Variants in EPHB1 observed in about 807,000 individuals in gnomAD.
EPHB1 encodes ephrin type-B receptor 1.
EPHB1 carries 30 observed loss-of-function variants against 94.4 expected under a neutral mutation model. The ratio of observed to expected loss-of-function variants is 0.32; its 90% CI spans 0.24 to 0.43. The LOEUF is 0.43. Ranked by LOEUF, EPHB1 falls within the 20% of genes least tolerant of loss-of-function variation. The pLI is 1.00. For synonymous variants in EPHB1, 522 were observed against 489.1 expected (o/e 1.07, Z -0.89); for missense variants, 1,055 against 1,308.3 (o/e 0.81, Z 2.99).
intron 3 of EPHB1, among the ~76,000 whole-genome samples, chr3:135,057,052 C>G (rs759904847): frequency 6.6e-6 from 1 of 152,194 alleles, no homozygotes; most frequent in Non-Finnish European, 1.5e-5. Flanking sequence ...AAATTTGTTG[C>G]TGGATTCAGA....
At chr3:135,129,664 A>G (rs892060208) in intron 4 of EPHB1, among the ~76,000 whole-genome samples, 2 of 152,224 alleles carry the variant, frequency 1.3e-5, no homozygotes, top group Non-Finnish European at 2.9e-5. Context: ...GGAAGAGACT[A>G]TCACAATGCA....
chr3:134,827,284 ATAATC>A (rs1052119270), intron 1 of EPHB1, among the ~76,000 whole-genome samples: 2 of 152,214 alleles, frequency 1.3e-5, no homozygotes, highest in African/African-American at 2.4e-5. Context: ...CTTCTTCTCT[ATAATC>A]TAAGCTTCCC....
chr3:134,910,829 C>T (rs2038438166), intron 1 of EPHB1, among the ~76,000 whole-genome samples: 1 of 152,184 alleles, frequency 6.6e-6, no homozygotes, highest in Non-Finnish European at 1.5e-5. Context: ...TGGGTCGGCC[C>T]TTGGTGGTCC....
chr3:135,251,627 C>A (rs767252860), intron 15 of EPHB1, among the ~76,000 whole-genome samples: 1 of 152,188 alleles, frequency 6.6e-6, no homozygotes, highest in Non-Finnish European at 1.5e-5. Context: ...GATTGTGGGA[C>A]AATCTGTGAA....
At chr3:135,060,069 T>C (rs1177062660) in intron 3 of EPHB1, among the ~76,000 whole-genome samples, 2 of 152,276 alleles carry the variant, frequency 1.3e-5, no homozygotes, top group African/African-American at 4.8e-5. Context: ...AAATTCACTC[T>C]GTAAATTGCT....
chr3:134,937,884 T>C (rs1434539109), intron 2 of EPHB1, among the ~76,000 whole-genome samples: 6 of 150,946 alleles, frequency 4.0e-5, no homozygotes, highest in Non-Finnish European at 8.8e-5. Context: ...GCCGTTGCCA[T>C]AGTGACCAGC....
chr3:135,249,798 A>C (rs1932992399), intron 15 of EPHB1, among the ~76,000 whole-genome samples: 1 of 152,158 alleles, frequency 6.6e-6, no homozygotes, highest in Non-Finnish European at 1.5e-5. Flanking sequence ...GAGAGCATCC[A>C]GATGGAAAGA....
At position 135,148,289 on chromosome 3, in the gene EPHB1, G is replaced by A. The variant is rs772338026; in HGVS notation, c.1298-5863G>A. On this transcript the variant is annotated intron_variant, in intron 5 of 15. Transcript: ENST00000398015. ...AGAAACCTTTGAAGATAACTGAGTC[G>A]GTAACTAAATTAAAGTGTCAAGGAA... is the stretch of plus-strand genomic sequence containing the variant. Among the ~76,000 whole-genome samples, 46 of 152,090 alleles carry A rather than the reference G, an allele frequency of 3.0e-4. 1 individual carries two copies. Among genetic ancestry groups the A allele is most frequent in the Admixed American group, 2.2e-3 (34 of 15,272 alleles).
intron 12 of EPHB1, among the ~76,000 whole-genome samples, chr3:135,211,167 T>G (rs1378774003): frequency 1.3e-5 from 2 of 152,214 alleles, no homozygotes; most frequent in African/African-American, 2.4e-5. Context: ...TTGTACCACT[T>G]TACATAAAAT....
At chr3:134,830,734 C>A (rs1305985738) in intron 1 of EPHB1, among the ~76,000 whole-genome samples, 2 of 152,184 alleles carry the variant, frequency 1.3e-5, no homozygotes, top group African/African-American at 4.8e-5. Context: ...CAAGGGTTCC[C>A]TTCTGGCCTG....
chr3:134,971,688 A>C (rs1339089176), intron 3 of EPHB1, among the ~76,000 whole-genome samples: 1 of 152,148 alleles, frequency 6.6e-6, no homozygotes, highest in Admixed American at 6.5e-5. Flanking sequence ...CTCCCACCCC[A>C]GCATGATGCC....
At position 135,137,497 on chromosome 3, in the gene EPHB1, G is replaced by A. The variant is rs371471271; in HGVS notation, c.1297+4448G>A. Among the ~76,000 whole-genome samples, 6 of 152,164 alleles carry A rather than the reference G, an allele frequency of 3.9e-5. No individual in the cohort carries two copies. In the East Asian group the frequency reaches 1.2e-3, roughly 29 times the overall value. ...CAAGTCTTACTGCCAAGCATGCTCT[G>A]TTTTCCATTCTCATTCCACCACGGG... On this transcript the variant is annotated intron_variant, in intron 5 of 15. Coordinates refer to ENST00000398015, the MANE Select transcript of EPHB1 (RefSeq NM_004441.5).
chr3:134,991,667 G>T (rs1934805389), intron 3 of EPHB1, among the ~76,000 whole-genome samples: 1 of 152,066 alleles, frequency 6.6e-6, no homozygotes, highest in African/African-American at 2.4e-5. Flanking sequence ...CCCTGGCTGA[G>T]CACCCCTACT....
chr3:135,169,706 C>CTTTT (rs1406089292), intron 9 of EPHB1, among the ~76,000 whole-genome samples: 2 of 152,178 alleles, frequency 1.3e-5, no homozygotes, highest in African/African-American at 4.8e-5. Context: ...GAACTCCCTA[C>CTTTT]ATTGGGAGTT....
chr3:135,008,885 G>T (rs980969426), intron 3 of EPHB1, among the ~76,000 whole-genome samples: 1 of 152,212 alleles, frequency 6.6e-6, no homozygotes, highest in African/African-American at 2.4e-5. Flanking sequence ...AAAGAGTTCA[G>T]TGTGTCTTGA....
chr3:134,942,024 G>A (rs1031825095), intron 2 of EPHB1, among the ~76,000 whole-genome samples: 6 of 152,216 alleles, frequency 3.9e-5, no homozygotes, highest in Admixed American at 2.0e-4. Flanking sequence ...TCAAGGACAG[G>A]TGATCCATTT....
In EPHB1 at chr3:134,951,439, C is replaced by A; in HGVS notation, c.192C>A (p.Phe64Leu). ...GCACCTACCAGGTGTGCAATGTCTTCGAGCCCAACCAGAACAATTGGCTGC... is the reference window on the plus strand; with the variant it reads ...GCACCTACCAGGTGTGCAATGTCTTAGAGCCCAACCAGAACAATTGGCTGC... ...TIRTYQVCNV[F>L]EPNQNNWLLT... The change falls in exon 3 of 16, where the codon TTC becomes TTA. Residue 64 changes from phenylalanine to leucine, a missense_variant. Coordinates refer to ENST00000398015, the MANE Select transcript of EPHB1 (RefSeq NM_004441.5). This position sits in a 1 kb window ranked among gnomAD's most constrained non-coding sequence, Gnocchi z 4.5. The A allele has an allele frequency of 6.2e-7, 1 of 1,610,398 alleles. No individual in the cohort carries two copies. The highest frequency in any genetic ancestry group is 8.5e-7 in the Non-Finnish European group (1 of 1,177,890).
At chr3:135,057,039 A>G (rs184527193) in intron 3 of EPHB1, among the ~76,000 whole-genome samples, 29 of 152,220 alleles carry the variant, frequency 1.9e-4, no homozygotes, top group Admixed American at 1.9e-3. Flanking sequence ...ACACCCCCCT[A>G]ATAAATTTGT....
chr3:135,032,701 A>G (rs1936518733), intron 3 of EPHB1, among the ~76,000 whole-genome samples: 1 of 152,212 alleles, frequency 6.6e-6, no homozygotes, highest in African/African-American at 2.4e-5. Context: ...GTTAGTATCC[A>G]GATATCTTTT....
Sources: allele counts gnomAD v4.1 joint callset (sites outside exome capture counted in the v4.1 genomes callset), GRCh38; gene constraint gnomAD v4.1.1; non-coding constraint Gnocchi (gnomAD v3.1); transcripts MANE v1.5; gene names NCBI Gene and HGNC (gene_info 2026-07-23, HGNC 2026-07-21).